KCNQ5: variants seen among roughly 807,000 people sequenced by gnomAD.
The protein encoded by KCNQ5 is potassium voltage-gated channel subfamily Q member 5, also known as potassium voltage-gated channel subfamily KQT member 5.
A neutral mutation model predicts 98.2 loss-of-function variants in KCNQ5; 30 were observed. The observed-to-expected ratio is 0.31, with a 90% CI of 0.23 to 0.41. The LOEUF (loss-of-function observed/expected upper bound fraction) is 0.41, where lower values mean the gene tolerates loss of function less well. KCNQ5 is among the 10% of genes least tolerant of loss of function. The pLI, the probability that KCNQ5 is intolerant of heterozygous loss-of-function variation, is 1.00. For synonymous variants in KCNQ5, 458 were observed against 449.4 expected, an observed-to-expected ratio of 1.02 and a Z score of -0.24; for missense variants, 835 against 1,182.5, an observed-to-expected ratio of 0.71 and a Z score of 4.31.
At chr6:73,107,095 C>T (rs908257739) in intron 6 of KCNQ5, among the ~76,000 whole-genome samples, 5 of 152,148 alleles carry the variant, frequency 3.3e-5, no homozygotes, top group African/African-American at 1.2e-4. Context: ...AACAATACAA[C>T]GCAGTCTTGG....
rs1215680522 is a variant in KCNQ5 at position 72,682,447 on chromosome 6, CT to C, written c.398+59868del. On this transcript the variant is annotated intron_variant, in intron 1 of 13. Coordinates refer to ENST00000370398, the MANE Select transcript of KCNQ5 (RefSeq NM_019842.4). ...TTCAGTTTACAAAAAGGATTTGTAC[CT>C]TTTTTTTCCTTTGGCCCCACACTTA... 2.6e-5 allele frequency among the ~76,000 whole-genome samples: 4 copies of C among 151,984 alleles called. 1 individual carries two copies. In the East Asian group the frequency reaches 7.7e-4, roughly 29 times the overall value.
At chr6:72,893,217 G>A (rs1185200562) in intron 1 of KCNQ5, among the ~76,000 whole-genome samples, 1 of 152,180 alleles carries the variant, frequency 6.6e-6, no homozygotes, top group Non-Finnish European at 1.5e-5. Context: ...AAGCTGAGGA[G>A]CAGCCATAGA....
At chr6:73,165,849 G>A (rs1423791968) in intron 10 of KCNQ5, among the ~76,000 whole-genome samples, 2 of 152,046 alleles carry the variant, frequency 1.3e-5, no homozygotes, top group Admixed American at 6.6e-5. Context: ...GGAGGCTGGG[G>A]CAGGAGAATT....
intron 1 of KCNQ5, among the ~76,000 whole-genome samples, chr6:72,856,107 A>G (rs575153997): frequency 2.0e-5 from 3 of 152,314 alleles, no homozygotes; most frequent in East Asian, 3.9e-4. Flanking sequence ...TGGCTCTGTT[A>G]GCAATTCTGT....
rs972051745 is a variant in KCNQ5, at chr6:72,622,128, C to G, written c.-62C>G. The G allele has an allele frequency of 8.3e-7, 1 of 1,203,496 alleles. No homozygotes were observed. Among genetic ancestry groups the G allele is most frequent in the African/African-American group, 1.6e-5 (1 of 63,478 alleles). 74.6% of individuals were successfully genotyped at this position (1,203,496 alleles called of 1,614,324 possible). ...TTCCTCCTTGAAACCCGCCGGCGCA[C>G]ATGAGGCCGCTGCCCCCGCCGCAGG... is the stretch of plus-strand genomic sequence containing the variant. On this transcript the variant is annotated 5_prime_UTR_variant, in exon 1 of 14. Transcript: ENST00000370398. This position sits in a 1 kb window ranked among gnomAD's most constrained non-coding sequence, Gnocchi z 6.0.
chr6:72,918,739 T>C (rs898063053), intron 1 of KCNQ5, among the ~76,000 whole-genome samples: 1 of 152,168 alleles, frequency 6.6e-6, no homozygotes, highest in Non-Finnish European at 1.5e-5. Context: ...TTTCGGGTCC[T>C]ATCTACTAAT....
intron 11 of KCNQ5, among the ~76,000 whole-genome samples, chr6:73,185,213 C>T (rs1778527900): frequency 6.6e-6 from 1 of 152,170 alleles, no homozygotes; most frequent in African/African-American, 2.4e-5. Flanking sequence ...AGGTCCCACT[C>T]TGTTACCCAG....
chr6:72,755,567 T>C (rs539060169), intron 1 of KCNQ5, among the ~76,000 whole-genome samples: 1 of 152,278 alleles, frequency 6.6e-6, no homozygotes, highest in African/African-American at 2.4e-5. Context: ...TATCACAGTC[T>C]ATCTTCAAGT....
At chr6:73,151,055 T>C (rs763810422) in intron 10 of KCNQ5, among the ~76,000 whole-genome samples, 4 of 152,204 alleles carry the variant, frequency 2.6e-5, no homozygotes, top group Admixed American at 6.5e-5. Flanking sequence ...TTTTGCAAGA[T>C]GTTACCATTG....
intron 1 of KCNQ5, among the ~76,000 whole-genome samples, chr6:72,888,011 G>C (rs539118558): frequency 6.6e-6 from 1 of 152,052 alleles, no homozygotes; most frequent in African/African-American, 2.4e-5. Flanking sequence ...AAATAAAATT[G>C]TGAGAAAAAT....
intron 1 of KCNQ5, among the ~76,000 whole-genome samples, chr6:72,815,829 G>C (rs1311650411): frequency 6.6e-6 from 1 of 152,178 alleles, no homozygotes; most frequent in Non-Finnish European, 1.5e-5. Context: ...AGCAGAGCCA[G>C]ACAGCCCCAA....
chr6:73,013,159 A>G (rs1309256082), intron 2 of KCNQ5, among the ~76,000 whole-genome samples: 1 of 152,152 alleles, frequency 6.6e-6, no homozygotes, highest in Admixed American at 6.6e-5. Context: ...AGCTTGCTAC[A>G]TAAACATGTT....
At chr6:72,905,653 G>A (rs1562059244) in intron 1 of KCNQ5, among the ~76,000 whole-genome samples, 6 of 152,090 alleles carry the variant, frequency 3.9e-5, no homozygotes. Flanking sequence ...TCTCTTCTGG[G>A]TCTAGTCACC....
chr6:73,134,618 T>C (rs1776389861), intron 10 of KCNQ5, among the ~76,000 whole-genome samples: 1 of 152,220 alleles, frequency 6.6e-6, no homozygotes, highest in South Asian at 2.1e-4. Context: ...GGATATCTCT[T>C]CCACGCTCAA....
At chr6:73,027,993 A>G (rs9446824) in intron 2 of KCNQ5, among the ~76,000 whole-genome samples, 41,986 of 152,084 alleles carry the variant, frequency 0.28, 7,001 homozygotes, top group East Asian at 0.59. Flanking sequence ...TGAATACTGT[A>G]CTTTCAGTGA....
intron 2 of KCNQ5, 26 bp downstream of exon 2, chr6:73,004,024 A>G: frequency 7.5e-7 from 1 of 1,330,906 alleles, no homozygotes; most frequent in South Asian, 1.2e-5. Flanking sequence ...ACAAGAACGT[A>G]CATGAATGTT....
At chr6:72,982,367 G>A (rs965473098) in intron 1 of KCNQ5, among the ~76,000 whole-genome samples, 4 of 151,998 alleles carry the variant, frequency 2.6e-5, no homozygotes, top group African/African-American at 9.7e-5. Context: ...ATTTAGGACA[G>A]TTAGCTCTTC....
intron 1 of KCNQ5, among the ~76,000 whole-genome samples, chr6:72,852,109 A>G (rs903540065): frequency 6.6e-6 from 1 of 152,050 alleles, no homozygotes. Flanking sequence ...TTTAAAATGA[A>G]CTCTTTAGCA....
chr6:73,041,825 CA>C (rs1771716695), intron 2 of KCNQ5, 110 bp from the exon 3 acceptor site: 1 of 1,185,674 alleles, frequency 8.4e-7, no homozygotes, highest in Non-Finnish European at 1.2e-6. Flanking sequence ...TAGATATTAA[CA>C]ACTAGATCCT....
Sources: gnomAD v4.1 joint callset for allele counts (sites outside exome capture counted in the v4.1 genomes callset) on GRCh38, gnomAD v4.1.1 for gene constraint, Gnocchi (gnomAD v3.1) non-coding constraint, MANE v1.5 for transcripts, NCBI Gene and HGNC (gene_info 2026-07-23, HGNC 2026-07-21) for gene names.